Variants in TRMT11 observed in about 807,000 individuals in gnomAD.
The protein encoded by TRMT11 is tRNA methyltransferase 11, also known as tRNA (guanine(10)-N(2))-methyltransferase TRMT11.
A neutral mutation model predicts 62.8 loss-of-function variants in TRMT11; 53 were observed. The observed-to-expected ratio is 0.84, with a 90% CI of 0.68 to 1.06. The LOEUF (loss-of-function observed/expected upper bound fraction) is 1.06, where lower values mean the gene tolerates loss of function less well. Ranked by LOEUF, TRMT11 falls within the 50% of genes least tolerant of loss-of-function variation. TRMT11 has a pLI of 0.00. For missense variants in TRMT11, 556 were observed against 553.4 expected (o/e 1.00, Z -0.05); for synonymous variants, 188 against 190.3 (o/e 0.99, Z 0.10).
intron 7 of TRMT11, among the ~76,000 whole-genome samples, chr6:126,005,525 A>G (rs1793221201): frequency 6.6e-6 from 1 of 152,002 alleles, no homozygotes. Flanking sequence ...AGTGAACTGT[A>G]ATGGTTATCA....
chr6:126,201,152 A>G (rs1778731049), intron 3 of TRMT11, among the ~76,000 whole-genome samples: 1 of 152,208 alleles, frequency 6.6e-6, no homozygotes, highest in Non-Finnish European at 1.5e-5. Flanking sequence ...TGGTTACTGC[A>G]TGGTCCATGG....
At chr6:126,043,824 A>C (rs1264521522), downstream of TRMT11, among the ~76,000 whole-genome samples, 122 of 151,414 alleles carry the variant, frequency 8.1e-4, no homozygotes, top group South Asian at 4.2e-3. Flanking sequence ...GCATTTTTTC[A>C]TGTGTCTTTT....
chr6:126,200,167 G>A (rs528546251), intron 3 of TRMT11, among the ~76,000 whole-genome samples: 1 of 152,316 alleles, frequency 6.6e-6, no homozygotes, highest in East Asian at 1.9e-4. Context: ...AGAACAGAAA[G>A]TTAGACAAGA....
intron 21 of TRMT11, among the ~76,000 whole-genome samples, chr6:126,129,481 G>A (rs960575631): frequency 8.5e-5 from 13 of 152,098 alleles, no homozygotes; most frequent in South Asian, 2.1e-4. Context: ...GAACTTTACC[G>A]ACTATGGGTT....
At chr6:126,266,154 C>T in the TRMT11 span, among the ~76,000 whole-genome samples, 2 of 142,106 alleles carry the variant, frequency 1.4e-5, no homozygotes, top group African/African-American at 2.7e-5. Flanking sequence ...AATGACCAAC[C>T]CTGATGACTC....
chr6:126,092,058 G>T (rs1777283085), intron 17 of TRMT11, among the ~76,000 whole-genome samples: 1 of 152,150 alleles, frequency 6.6e-6, no homozygotes, highest in African/African-American at 2.4e-5. Context: ...AATTTAAGGA[G>T]CTGTTCGAGA....
chr6:126,088,748 G>C (rs908069155), intron 17 of TRMT11, among the ~76,000 whole-genome samples: 3 of 152,194 alleles, frequency 2.0e-5, no homozygotes, highest in Non-Finnish European at 2.9e-5. Context: ...TTTAATTAGA[G>C]AGTAAAATGG....
chr6:126,258,004 A>T, the TRMT11 span: 1 of 1,534,344 alleles, frequency 6.5e-7, no homozygotes, highest in Non-Finnish European at 9.0e-7. Flanking sequence ...GTGGGTTTGT[A>T]ACAGTCAACC....
intron 17 of TRMT11, among the ~76,000 whole-genome samples, chr6:126,057,972 A>G (rs1276451469): frequency 6.7e-6 from 1 of 148,606 alleles, no homozygotes; most frequent in African/African-American, 2.5e-5. Context: ...TTTTTTTTTC[A>G]ATTATATAAG....
At chr6:126,093,106 G>A (rs929879819) in intron 17 of TRMT11, among the ~76,000 whole-genome samples, 1 of 152,152 alleles carries the variant, frequency 6.6e-6, no homozygotes, top group Admixed American at 6.5e-5. Context: ...GAAAGAGGGA[G>A]TCTTTTTGGA....
chr6:125,987,508 T>G (rs1189219282), intron 1 of TRMT11, among the ~76,000 whole-genome samples: 11 of 152,128 alleles, frequency 7.2e-5, no homozygotes, highest in Admixed American at 7.2e-4. Context: ...TTGAAAAGCC[T>G]TAAGTAAAAA....
At chr6:126,095,682 A>C (rs777201149) in intron 17 of TRMT11, among the ~76,000 whole-genome samples, 12 of 152,168 alleles carry the variant, frequency 7.9e-5, no homozygotes, top group Non-Finnish European at 1.6e-4. Flanking sequence ...AGAGAAACCA[A>C]ACATATAAAA....
the TRMT11 span, among the ~76,000 whole-genome samples, chr6:126,227,526 T>C: frequency 6.6e-6 from 1 of 152,204 alleles, no homozygotes; most frequent in African/African-American, 2.4e-5. Flanking sequence ...CTACAGAATA[T>C]TTGCCGATTT....
At chr6:126,037,819 T>C (rs922411895) in intron 12 of TRMT11, among the ~76,000 whole-genome samples, 1 of 152,090 alleles carries the variant, frequency 6.6e-6, no homozygotes, top group African/African-American at 2.4e-5. Flanking sequence ...CAGATATATT[T>C]TTATATTTTT....
At chr6:126,041,909 G>A (rs1477950133), downstream of TRMT11, among the ~76,000 whole-genome samples, 1 of 152,124 alleles carries the variant, frequency 6.6e-6, no homozygotes, top group Non-Finnish European at 1.5e-5. Context: ...TTTGTTCTTA[G>A]AAGGACTGTA....
intron 21 of TRMT11, among the ~76,000 whole-genome samples, chr6:126,128,902 T>C (rs918751544): frequency 6.9e-6 from 1 of 144,822 alleles, no homozygotes. Flanking sequence ...CCTAAAAGGA[T>C]TTTTGTTTTC....
chr6:126,219,669 T>C, the TRMT11 span, among the ~76,000 whole-genome samples: 4 of 152,320 alleles, frequency 2.6e-5, no homozygotes, highest in East Asian at 7.7e-4. Context: ...GTTTGCAGAG[T>C]TGCAGTTTTC....
downstream of TRMT11, chr6:126,202,389 T>A (rs1314253043): frequency 6.6e-6 from 1 of 152,246 alleles, no homozygotes; most frequent in Non-Finnish European, 1.5e-5. Flanking sequence ...ATCCAGTTTC[T>A]AAGGCTTGCA....
intron 12 of TRMT11, among the ~76,000 whole-genome samples, chr6:126,027,654 A>C (rs1359632978): frequency 1.5e-4 from 23 of 152,128 alleles, no homozygotes; most frequent in Non-Finnish European, 2.9e-4. Context: ...TTTTATAGCT[A>C]CATCATATAG....
Sources: gnomAD v4.1 joint callset for allele counts (sites outside exome capture counted in the v4.1 genomes callset) on GRCh38, gnomAD v4.1.1 for gene constraint, MANE v1.5 for transcripts, NCBI Gene and HGNC (gene_info 2026-07-23, HGNC 2026-07-21) for gene names.